Variants in L3MBTL4 observed in about 807,000 individuals in gnomAD.
L3MBTL4 encodes the protein lethal(3)malignant brain tumor-like protein 4.
In L3MBTL4, 70 loss-of-function variants were observed where a neutral mutation model predicts 84.5. The ratio of observed to expected loss-of-function variants is 0.83; its 90% CI spans 0.68 to 1.01. The LOEUF (loss-of-function observed/expected upper bound fraction) is 1.01, where lower values mean the gene tolerates loss of function less well. L3MBTL4 is among the 50% of genes least tolerant of loss of function. L3MBTL4 has a pLI of 0.00. For synonymous variants in L3MBTL4, 274 were observed against 259.8 expected, an observed-to-expected ratio of 1.05 and a Z score of -0.52; for missense variants, 715 against 754.8, an observed-to-expected ratio of 0.95 and a Z score of 0.62.
intron 16 of L3MBTL4, among the ~76,000 whole-genome samples, chr18:6,016,260 G>A (rs1278233902): frequency 6.6e-6 from 1 of 152,226 alleles, no homozygotes; most frequent in East Asian, 1.9e-4. Flanking sequence ...GGGGTCAGAT[G>A]GAGGTGGACT....
chr18:6,239,764 G>A lies in L3MBTL4; in HGVS notation c.661C>T (p.Arg221Cys), dbSNP rs761891239. The change falls in exon 9 of 19, where the codon CGC (arginine) becomes TGC (cysteine). Residue 221 changes from arginine (R) to cysteine (C), a missense_variant. Physicochemically the swap from Arg to Cys is radical, Grantham distance 180 (BLOSUM62 -3). Coordinates refer to ENST00000317931, the MANE Select transcript of L3MBTL4 (RefSeq NM_001330559.2). ...VATIADIVED[R>C]LLVHFDNWDD... ...CAGTTGTCAAAATGCACTAGTAAGC[G>A]ATCTTCAACAATATCTGCTATGGTC... The A allele has an allele frequency of 2.5e-6, 4 of 1,614,020 alleles. No homozygotes were observed. Among genetic ancestry groups the A allele is most frequent in the African/African-American group, 2.7e-5 (2 of 75,012 alleles).
intron 16 of L3MBTL4, among the ~76,000 whole-genome samples, chr18:6,036,298 C>T (rs1437163247): frequency 6.6e-6 from 1 of 152,136 alleles, no homozygotes; most frequent in Non-Finnish European, 1.5e-5. Context: ...CTCTGAAATT[C>T]TCACAATGCA....
At chr18:6,312,356 T>C (rs1428207591) in intron 1 of L3MBTL4, among the ~76,000 whole-genome samples, 1 of 152,194 alleles carries the variant, frequency 6.6e-6, no homozygotes, top group East Asian at 1.9e-4. Context: ...CCAACTTCTT[T>C]ATTGATATTT....
At chr18:6,337,033 G>T (rs1042478702) in intron 1 of L3MBTL4, among the ~76,000 whole-genome samples, 2 of 152,168 alleles carry the variant, frequency 1.3e-5, no homozygotes, top group African/African-American at 4.8e-5. Context: ...TGATGGATGG[G>T]TTTAACGACA....
At chr18:6,313,974 G>C (rs1245489938) in intron 1 of L3MBTL4, among the ~76,000 whole-genome samples, 1 of 151,986 alleles carries the variant, frequency 6.6e-6, no homozygotes, top group African/African-American at 2.4e-5. Context: ...GACAAAAAAG[G>C]AATCAAATAC....
chr18:6,030,501 C>T (rs923857191), intron 16 of L3MBTL4: 1 of 848,994 alleles, frequency 1.2e-6, no homozygotes, highest in Non-Finnish European at 1.4e-6. Flanking sequence ...TGAAGAGACT[C>T]TTTTTTTTTT....
chr18:6,311,058 C>A (rs1177026614), intron 3 of L3MBTL4, among the ~76,000 whole-genome samples: 1 of 152,124 alleles, frequency 6.6e-6, no homozygotes, highest in African/African-American at 2.4e-5. Context: ...GGCTGCCCTG[C>A]ATATTTCAGA....
chr18:6,256,450 C>T (rs999026227), intron 5 of L3MBTL4, among the ~76,000 whole-genome samples: 1 of 151,838 alleles, frequency 6.6e-6, no homozygotes, highest in African/African-American at 2.4e-5. Context: ...CCTCCAACAA[C>T]CCCCAGCCCC....
At chr18:6,121,724 G>GTGTA (rs778429707) in intron 14 of L3MBTL4, among the ~76,000 whole-genome samples, 2 of 146,882 alleles carry the variant, frequency 1.4e-5, no homozygotes, top group Non-Finnish European at 3.0e-5. Flanking sequence ...GTGTGTATGT[G>GTGTA]TGTGTGCATG....
At chr18:6,174,214 A>G (rs1019636609) in intron 12 of L3MBTL4, among the ~76,000 whole-genome samples, 26 of 152,278 alleles carry the variant, frequency 1.7e-4, no homozygotes, top group Non-Finnish European at 2.4e-4. Context: ...AGTTTATTAA[A>G]CATGTAAATA....
At chr18:6,327,228 C>G (rs1466432064) in intron 1 of L3MBTL4, among the ~76,000 whole-genome samples, 2 of 152,108 alleles carry the variant, frequency 1.3e-5, no homozygotes, top group East Asian at 3.9e-4. Context: ...TCTAACAAAG[C>G]TGAGTAAGGC....
At chr18:6,047,681 G>C (rs556109050) in intron 16 of L3MBTL4, among the ~76,000 whole-genome samples, 1 of 152,248 alleles carries the variant, frequency 6.6e-6, no homozygotes, top group Admixed American at 6.5e-5. Flanking sequence ...TGCAGAAAAA[G>C]CCTTTGATAA....
At chr18:6,156,314 A>T (rs2043101917) in intron 13 of L3MBTL4, among the ~76,000 whole-genome samples, 1 of 152,072 alleles carries the variant, frequency 6.6e-6, no homozygotes, top group Non-Finnish European at 1.5e-5. Context: ...TTCCCATAGG[A>T]CTTTGCAAAC....
intron 4 of L3MBTL4, among the ~76,000 whole-genome samples, chr18:6,298,809 G>A (rs548998754): frequency 1.3e-5 from 2 of 152,264 alleles, no homozygotes; most frequent in South Asian, 4.1e-4. Context: ...GGGAGGCGGA[G>A]GTTGCAGTGA....
chr18:6,039,994 G>A (rs925297514), intron 16 of L3MBTL4, among the ~76,000 whole-genome samples: 34 of 152,122 alleles, frequency 2.2e-4, no homozygotes, highest in South Asian at 2.1e-4. Context: ...TCAAAAACTC[G>A]TTTTCAAATA....
intron 13 of L3MBTL4, among the ~76,000 whole-genome samples, chr18:6,147,644 T>A (rs931378790): frequency 6.6e-6 from 1 of 152,162 alleles, no homozygotes; most frequent in Non-Finnish European, 1.5e-5. Context: ...ATGTGGTAAA[T>A]TCCTGAAAGA....
At chr18:6,006,853 A>T (rs2054511461) in intron 16 of L3MBTL4, among the ~76,000 whole-genome samples, 2 of 152,240 alleles carry the variant, frequency 1.3e-5, no homozygotes, top group African/African-American at 4.8e-5. Context: ...TAAGGAAATG[A>T]TGTAAACAGT....
At chr18:6,062,731 C>T (rs1218272526) in intron 16 of L3MBTL4, among the ~76,000 whole-genome samples, 1 of 151,882 alleles carries the variant, frequency 6.6e-6, no homozygotes, top group African/African-American at 2.4e-5. Flanking sequence ...CAGCTTAAAG[C>T]CCACTGATGC....
At chr18:6,308,521 A>G (rs1437739411) in intron 3 of L3MBTL4, among the ~76,000 whole-genome samples, 1 of 152,248 alleles carries the variant, frequency 6.6e-6, no homozygotes, top group Non-Finnish European at 1.5e-5. Context: ...GTATAACCAT[A>G]AAAATTAAAA....
Sources: allele counts gnomAD v4.1 joint callset (sites outside exome capture counted in the v4.1 genomes callset), GRCh38; gene constraint gnomAD v4.1.1; transcripts MANE v1.5; gene names NCBI Gene and HGNC (gene_info 2026-07-23, HGNC 2026-07-21).